Variants in DIXDC1 observed in about 807,000 individuals in gnomAD.
The protein encoded by DIXDC1 is DIX domain containing 1.
A neutral mutation model predicts 103.1 loss-of-function variants in DIXDC1; 64 were observed. That is an observed-to-expected ratio of 0.62 (90% confidence interval 0.51 to 0.76). DIXDC1 has a LOEUF of 0.76. Among genes scored for constraint, DIXDC1 ranks in the 30% least tolerant of loss-of-function variants. The pLI is 0.00. For synonymous variants in DIXDC1, 266 were observed against 298.5 expected, an observed-to-expected ratio of 0.89 and a Z score of 1.12; for missense variants, 759 against 834.2, an observed-to-expected ratio of 0.91 and a Z score of 1.11.
upstream of DIXDC1, among the ~76,000 whole-genome samples, chr11:111,935,275 C>A (rs2137428761): frequency 6.6e-6 from 1 of 152,292 alleles, no homozygotes; most frequent in Middle Eastern, 3.4e-3. Flanking sequence ...CCTCTCCTAG[C>A]CTTGGTTGCT....
At chr11:112,003,670 A>G (rs1300958911) in intron 17 of DIXDC1, among the ~76,000 whole-genome samples, 1 of 151,388 alleles carries the variant, frequency 6.6e-6, no homozygotes, top group African/African-American at 2.4e-5. Context: ...GTGGTGGTGC[A>G]TGCCTGTAAT....
chr11:111,956,200 T>C (rs1259299631), intron 1 of DIXDC1, among the ~76,000 whole-genome samples: 1 of 152,134 alleles, frequency 6.6e-6, no homozygotes, highest in Non-Finnish European at 1.5e-5. Flanking sequence ...AAAAGTAGAA[T>C]GGTGGTTGCC....
At chr11:111,987,401 C>T (rs1860529478) in intron 9 of DIXDC1, among the ~76,000 whole-genome samples, 1 of 152,038 alleles carries the variant, frequency 6.6e-6, no homozygotes, top group African/African-American at 2.4e-5. Context: ...CTTTTTAATC[C>T]TGGTGGTAGG....
chr11:111,941,076 G>A (rs899329551), intron 1 of DIXDC1, among the ~76,000 whole-genome samples: 6 of 152,162 alleles, frequency 3.9e-5, no homozygotes, highest in Non-Finnish European at 8.8e-5. Context: ...GACCGCACGT[G>A]ACTGGTGACC....
rs1223905736 is a variant in DIXDC1 at position 112,019,244 on chromosome 11, G to A, written c.*208G>A. ...AATTCTGTCCAAATGTAGACCATGGGTTCATCTGGAGTTCCTTGTCCGTGG... is the reference window on the plus strand; with the variant it reads ...AATTCTGTCCAAATGTAGACCATGGATTCATCTGGAGTTCCTTGTCCGTGG... On this transcript the variant is annotated 3_prime_UTR_variant, in exon 20 of 20. Coordinates refer to ENST00000440460, the MANE Select transcript of DIXDC1 (RefSeq NM_001037954.4). The A allele has an allele frequency of 4.6e-6, 2 of 432,950 alleles. No homozygotes were observed. The highest frequency in any genetic ancestry group is 2.0e-5 in the African/African-American group (1 of 50,936). 26.8% of individuals were successfully genotyped at this position (432,950 alleles called of 1,614,324 possible).
At chr11:111,985,018 G>T (rs1218536526) in intron 7 of DIXDC1, among the ~76,000 whole-genome samples, 2 of 152,216 alleles carry the variant, frequency 1.3e-5, no homozygotes, top group Non-Finnish European at 2.9e-5. Context: ...GCAGTCAGGT[G>T]TCCAGAGAGC....
At chr11:112,000,258 T>A (rs1368854043) in intron 17 of DIXDC1, among the ~76,000 whole-genome samples, 3 of 152,120 alleles carry the variant, frequency 2.0e-5, no homozygotes, top group African/African-American at 7.2e-5. Flanking sequence ...ACCTACAGAA[T>A]AGGAGAAAAT....
chr11:111,995,426 A>G lies in DIXDC1; in HGVS notation c.1551A>G (p.Arg517=). Residue 517 remains arginine, a synonymous_variant, in exon 16 of 20, where the codon CGA becomes CGG. Transcript: ENST00000440460. ...AGACCAGCGACCTGCAGCTTGTTCGAGATGCTCTCCGCAGCCTGCGCAACA... is the reference window on the plus strand; with the variant it reads ...AGACCAGCGACCTGCAGCTTGTTCGGGATGCTCTCCGCAGCCTGCGCAACA... ...NRGTSDLQLV[R]DALRSLRNSF... is the part of the protein sequence containing the mutation. The G allele has an allele frequency of 6.2e-7, 1 of 1,613,172 alleles. No individual in the cohort carries two copies. The highest frequency in any genetic ancestry group is 8.5e-7 in the Non-Finnish European group (1 of 1,179,902).
rs1860511782 is a variant in DIXDC1, at chr11:111,986,938, T to C, written c.1062+14T>C. The C allele has an allele frequency of 6.4e-7, 1 of 1,567,036 alleles. No homozygotes were observed. The highest frequency in any genetic ancestry group is 8.7e-7 in the Non-Finnish European group (1 of 1,154,424). ...CAGGACTTAAAGGTATGTCAAGACA[T>C]GTACATTTTACCCCTTAAAAACATT... On this transcript the variant is annotated intron_variant, in intron 9 of 19. Transcript: ENST00000440460.
intron 1 of DIXDC1, among the ~76,000 whole-genome samples, chr11:111,944,808 TTC>T (rs2137453959): frequency 6.6e-6 from 1 of 152,336 alleles, no homozygotes; most frequent in East Asian, 1.9e-4. Context: ...GACTGACTTC[TTC>T]TGAGGCCTGA....
At chr11:111,994,596 ATATG>A (rs199915608) in intron 14 of DIXDC1, among the ~76,000 whole-genome samples, 132 of 147,512 alleles carry the variant, frequency 8.9e-4, no homozygotes, top group Admixed American at 2.0e-3. Flanking sequence ...TTATGTATGT[ATATG>A]TATGTATGTA....
chr11:111,968,603 C>T lies in DIXDC1; in HGVS notation c.281C>T (p.Ser94Phe), dbSNP rs1859810976. The T allele has an allele frequency of 1.2e-6, 2 of 1,611,580 alleles. No individual in the cohort carries two copies. Among genetic ancestry groups the T allele is most frequent in the African/African-American group, 1.3e-5 (1 of 75,022 alleles). The part of the protein sequence containing the change: ...NVEKVLQFVA[S>F]KKIRMHQTSA... ...GAGAAAGTGCTACAGTTTGTGGCCT[C>T]TAAAAAGATTCGTATGCACCAGACT... Residue 94 changes from serine to phenylalanine, a missense_variant, in exon 3 of 20, where the codon TCT becomes TTT. Around this residue, in one of 3 missense-constraint regions of DIXDC1, gnomAD observed 657 missense variants for 727.5 expected, o/e 0.90. Coordinates refer to ENST00000440460, the MANE Select transcript of DIXDC1 (RefSeq NM_001037954.4).
Position 111,977,354 on chromosome 11 carries a change from C to A in DIXDC1, c.656+2371C>A. 9.4e-7 allele frequency: 1 copy of A among 1,066,368 alleles called. No individual in the cohort carries two copies. Among genetic ancestry groups the A allele is most frequent in the Non-Finnish European group, 1.1e-6 (1 of 881,118 alleles). 66.1% of individuals were successfully genotyped at this position (1,066,368 alleles called of 1,614,324 possible). A position where few individuals can be genotyped will look rare whatever the true frequency, so the allele number is the denominator to read the frequency against. On this transcript the variant is annotated intron_variant, in intron 5 of 19. Coordinates refer to ENST00000440460, the MANE Select transcript of DIXDC1 (RefSeq NM_001037954.4). The surrounding 1 kb of genome is among the most constrained non-coding windows in gnomAD (Gnocchi z 6.1). ...TGGGATCGCCGCTGGGGACTCGAGG[C>A]GCAGCCTGCGCCGCCGGGAGCCTCC...
chr11:111,980,915 C>T, intron 6 of DIXDC1, 66 bp downstream of exon 6: 3 of 1,352,866 alleles, frequency 2.2e-6, no homozygotes, highest in Non-Finnish European at 3.1e-6. Flanking sequence ...TAGAGGTCCC[C>T]ATCACCAATA....
chr11:111,927,705 G>A (rs1350351338), intron 1 of DIXDC1, among the ~76,000 whole-genome samples: 1 of 152,010 alleles, frequency 6.6e-6, no homozygotes, highest in Non-Finnish European at 1.5e-5. Flanking sequence ...TGTAGCACAC[G>A]CACACACAAA....
At chr11:111,940,311 T>A (rs1045571094) in intron 1 of DIXDC1, among the ~76,000 whole-genome samples, 1 of 152,274 alleles carries the variant, frequency 6.6e-6, no homozygotes, top group East Asian at 1.9e-4. Flanking sequence ...TGCAATGCCT[T>A]TGAATGGCAT....
chr11:111,971,722 G>GTATA (rs1566506369), intron 3 of DIXDC1, among the ~76,000 whole-genome samples: 1,526 of 119,202 alleles, frequency 0.013, 29 homozygotes, highest in African/African-American at 0.047. Context: ...AAAATGTGGT[G>GTATA]TGTATATCTA....
At chr11:111,954,466 T>C (rs2137481032) in intron 1 of DIXDC1, among the ~76,000 whole-genome samples, 1 of 152,334 alleles carries the variant, frequency 6.6e-6, no homozygotes, top group East Asian at 1.9e-4. Flanking sequence ...CCTAAACTAT[T>C]ACAGCTTAAT....
intron 9 of DIXDC1, among the ~76,000 whole-genome samples, chr11:111,987,500 G>A (rs1334829049): frequency 3.3e-5 from 5 of 152,062 alleles, no homozygotes; most frequent in Non-Finnish European, 7.4e-5. Context: ...AAGAAAAAAT[G>A]TATCTAATAC....
Sources: allele counts gnomAD v4.1 joint callset (sites outside exome capture counted in the v4.1 genomes callset), GRCh38; gene constraint gnomAD v4.1.1; regional missense constraint gnomAD v4.1.1; non-coding constraint Gnocchi (gnomAD v3.1); transcripts MANE v1.5; gene names NCBI Gene and HGNC (gene_info 2026-07-23, HGNC 2026-07-21).